Variants in RORA observed in about 807,000 individuals in gnomAD.
The protein encoded by RORA is RAR related orphan receptor A.
A neutral mutation model predicts 69.5 loss-of-function variants in RORA; 7 were observed. The ratio of observed to expected loss-of-function variants is 0.10; its 90% CI spans 0.06 to 0.19. The LOEUF (loss-of-function observed/expected upper bound fraction) is 0.19. Among genes scored for constraint, RORA ranks in the 10% least tolerant of loss-of-function variants. RORA has a pLI of 1.00. For missense variants in RORA, 457 were observed against 663.0 expected (o/e 0.69, Z 3.41); for synonymous variants, 261 against 240.8 (o/e 1.08, Z -0.78).
intron 1 of RORA, among the ~76,000 whole-genome samples, chr15:60,770,480 A>G (rs1459200448): frequency 6.6e-6 from 1 of 152,230 alleles, no homozygotes. Flanking sequence ...CATGGTTCAT[A>G]TTAAGCTTAT....
chr15:60,780,203 C>G (rs906360129), intron 1 of RORA, among the ~76,000 whole-genome samples: 5 of 152,076 alleles, frequency 3.3e-5, no homozygotes, highest in African/African-American at 1.2e-4. Context: ...GGATCTCTAC[C>G]CTGGCTGCTT....
intron 1 of RORA, among the ~76,000 whole-genome samples, chr15:60,860,703 C>G (rs1281224985): frequency 6.6e-6 from 1 of 152,220 alleles, no homozygotes; most frequent in African/African-American, 2.4e-5. Context: ...GTCATTAGTT[C>G]TAGTATCATG....
chr15:61,171,674 C>A (rs2079586473), intron 1 of RORA, among the ~76,000 whole-genome samples: 1 of 152,184 alleles, frequency 6.6e-6, no homozygotes, highest in South Asian at 2.1e-4. Flanking sequence ...ACACATCGCT[C>A]ACTTTCCTCC....
At chr15:61,008,920 T>C (rs1050419512) in intron 1 of RORA, among the ~76,000 whole-genome samples, 4 of 152,104 alleles carry the variant, frequency 2.6e-5, no homozygotes, top group African/African-American at 7.2e-5. Context: ...ATCCATTTGA[T>C]GAAATTAGAA....
At position 60,883,409 on chromosome 15, in the gene RORA, GTGTT is replaced by G. The variant is rs571779929; in HGVS notation, c.167-204727_167-204724del. ...CAAAATACATAAATTATATTAAAAA[GTGTT>G]TGTTTAACCCCAAATATATGCAAAT... On this transcript the variant is annotated intron_variant, in intron 1 of 10. Transcript: ENST00000335670. Among the ~76,000 whole-genome samples, 82 of 152,244 alleles carry G rather than the reference GTGTT, an allele frequency of 5.4e-4. 1 individual carries two copies. In the Middle Eastern group the frequency reaches 0.02, roughly 38 times the overall value.
intron 1 of RORA, among the ~76,000 whole-genome samples, chr15:60,772,712 G>A (rs2072096568): frequency 6.6e-6 from 1 of 152,128 alleles, no homozygotes; most frequent in African/African-American, 2.4e-5. Flanking sequence ...ATGGCAAGGT[G>A]AGCCACACGT....
At chr15:60,997,998 G>A (rs913305923) in intron 1 of RORA, among the ~76,000 whole-genome samples, 7 of 152,150 alleles carry the variant, frequency 4.6e-5, no homozygotes, top group South Asian at 4.1e-4. Flanking sequence ...ACGATGCTCC[G>A]GTGAAGATGG....
At chr15:60,593,795 C>A (rs2068606892) in intron 2 of RORA, among the ~76,000 whole-genome samples, 1 of 152,074 alleles carries the variant, frequency 6.6e-6, no homozygotes, top group South Asian at 2.1e-4. Context: ...CTGTTGCATT[C>A]ATGATGATTA....
At chr15:60,828,525 C>A (rs903917630) in intron 1 of RORA, among the ~76,000 whole-genome samples, 8 of 152,126 alleles carry the variant, frequency 5.3e-5, no homozygotes, top group Non-Finnish European at 1.0e-4. Context: ...GTGACTGAGG[C>A]CGCTGAGTGT....
At chr15:60,636,549 T>C (rs932160516) in intron 2 of RORA, among the ~76,000 whole-genome samples, 1 of 152,228 alleles carries the variant, frequency 6.6e-6, no homozygotes, top group Non-Finnish European at 1.5e-5. Context: ...TTATCCCTAC[T>C]AACCAGTACA....
chr15:61,043,806 T>A (rs1017166028), intron 1 of RORA, among the ~76,000 whole-genome samples: 2 of 152,094 alleles, frequency 1.3e-5, no homozygotes, highest in Non-Finnish European at 2.9e-5. Context: ...CCCCAACTCC[T>A]CTAACCTGGT....
At chr15:60,898,638 G>T (rs1188592777) in intron 1 of RORA, among the ~76,000 whole-genome samples, 4 of 152,050 alleles carry the variant, frequency 2.6e-5, no homozygotes. Flanking sequence ...GTTTGAGGCT[G>T]CAGTGAGCTA....
chr15:60,499,584 G>A lies in RORA; in HGVS notation c.1407+308C>T, dbSNP rs561430361. Among the ~76,000 whole-genome samples the A allele has an allele frequency of 3.9e-5, 6 of 152,280 alleles. No homozygotes were observed. The East Asian group carries it at 9.6e-4, about 24-fold the overall frequency. ...GATTATTTTTACAGTTTATGTCAGT[G>A]CAGAATATTAACTCTGCTTTATGCC... On this transcript the variant is annotated intron_variant, in intron 10 of 10. Transcript: ENST00000335670.
intron 1 of RORA, among the ~76,000 whole-genome samples, chr15:60,971,876 T>C (rs528018974): frequency 6.6e-6 from 1 of 152,236 alleles, no homozygotes; most frequent in East Asian, 1.9e-4. Context: ...CTCCTGACAC[T>C]GGCCCTCCCA....
intron 1 of RORA, among the ~76,000 whole-genome samples, chr15:60,718,039 T>TCCAC (rs1320372340): frequency 1.3e-5 from 2 of 152,126 alleles, no homozygotes; most frequent in Non-Finnish European, 2.9e-5. Flanking sequence ...CCTCAAGTGA[T>TCCAC]CCACCCACCT....
At chr15:60,798,221 GACACACACACACAC>G (rs34480684) in intron 1 of RORA, among the ~76,000 whole-genome samples, 12,949 of 145,678 alleles carry the variant, frequency 0.089, 648 homozygotes, top group Admixed American at 0.15. Context: ...TTCCCCAACA[GACACACACACACAC>G]ACACACACAC....
intron 1 of RORA, among the ~76,000 whole-genome samples, chr15:60,745,376 A>G (rs544549516): frequency 6.6e-6 from 1 of 152,322 alleles, no homozygotes; most frequent in African/African-American, 2.4e-5. Context: ...CATCAGACAC[A>G]TGTCCGGGTA....
intron 1 of RORA, among the ~76,000 whole-genome samples, chr15:60,789,354 A>C (rs1227603032): frequency 6.6e-6 from 1 of 152,188 alleles, no homozygotes; most frequent in African/African-American, 2.4e-5. Context: ...ATACACAAAC[A>C]CTTAATATAT....
At chr15:60,927,251 T>C (rs928464903) in intron 1 of RORA, among the ~76,000 whole-genome samples, 1 of 152,150 alleles carries the variant, frequency 6.6e-6, no homozygotes, top group African/African-American at 2.4e-5. Flanking sequence ...ATGGGGATTC[T>C]ACAAAGTGAG....
Sources: gnomAD v4.1 joint callset for allele counts (sites outside exome capture counted in the v4.1 genomes callset) on GRCh38, gnomAD v4.1.1 for gene constraint, MANE v1.5 for transcripts, NCBI Gene and HGNC (gene_info 2026-07-23, HGNC 2026-07-21) for gene names.